SHANK2: variants seen among roughly 807,000 people sequenced by gnomAD.
SHANK2 encodes SH3 and multiple ankyrin repeat domains protein 2.
In SHANK2, 43 loss-of-function variants were observed where a neutral mutation model predicts 133.7. The observed-to-expected ratio is 0.32, with a 90% confidence interval of 0.25 to 0.41. The LOEUF (loss-of-function observed/expected upper bound fraction) is 0.41. Among genes scored for constraint, SHANK2 ranks in the 10% least tolerant of loss-of-function variants. The probability of loss-of-function intolerance (pLI) is 1.00; values close to 1 mark genes in which losing one functional copy is unlikely to be tolerated. For synonymous variants in SHANK2, 1,017 were observed against 952.8 expected, an observed-to-expected ratio of 1.07 and a Z score of -1.24; for missense variants, 1,994 against 2,235.8, an observed-to-expected ratio of 0.89 and a Z score of 2.18.
At chr11:70,892,020 A>C (rs782604164) in intron 11 of SHANK2, among the ~76,000 whole-genome samples, 9 of 152,178 alleles carry the variant, frequency 5.9e-5, no homozygotes, top group Non-Finnish European at 1.3e-4. Flanking sequence ...CTAAAACATG[A>C]TGTCTCTCGA....
chr11:71,200,454 T>C (rs782078656), intron 2 of SHANK2, among the ~76,000 whole-genome samples: 2 of 152,208 alleles, frequency 1.3e-5, no homozygotes, highest in Non-Finnish European at 2.9e-5. Flanking sequence ...GTACCTATGA[T>C]TCCATTTCTC....
At chr11:71,210,250 A>ATATATATATATT (rs1353494730) in intron 2 of SHANK2, among the ~76,000 whole-genome samples, 94 of 85,330 alleles carry the variant, frequency 1.1e-3, no homozygotes, top group African/African-American at 1.7e-3. Context: ...ATATATATAT[A>ATATATATATATT]TATTTATTTA....
chr11:70,922,189 A>C (rs578109145), intron 10 of SHANK2, among the ~76,000 whole-genome samples: 1 of 152,336 alleles, frequency 6.6e-6, no homozygotes, highest in African/African-American at 2.4e-5. Flanking sequence ...GGAGATGGAT[A>C]AGGAAATTGG....
intron 11 of SHANK2, among the ~76,000 whole-genome samples, chr11:70,839,686 G>A (rs554450148): frequency 1.3e-4 from 20 of 152,290 alleles, no homozygotes; most frequent in African/African-American, 4.8e-4. Flanking sequence ...TGGGTTGAAG[G>A]GGAGGTCCCT....
intron 17 of SHANK2, among the ~76,000 whole-genome samples, chr11:70,598,914 T>C (rs1329671565): frequency 9.3e-6 from 1 of 107,476 alleles, no homozygotes; most frequent in African/African-American, 3.9e-5. Context: ...TTTAACCTGA[T>C]AAGCTGCATG....
intron 14 of SHANK2, among the ~76,000 whole-genome samples, chr11:70,751,701 T>A (rs986995520): frequency 1.6e-4 from 24 of 152,232 alleles, no homozygotes; most frequent in Non-Finnish European, 3.1e-4. Context: ...ATATGTGGGT[T>A]TAATACACGT....
rs944117396 is a variant in SHANK2, at chr11:70,479,195, T to C, written c.4980-5756A>G. On this transcript the variant is annotated intron_variant, in intron 25 of 25. Transcript: ENST00000601538. The surrounding 1 kb of genome is among the most constrained non-coding windows in gnomAD (Gnocchi z 4.4). ...TCACATTCACTTTTCCATCAGGGCC[T>C]GGAAACCCTCAAACCACCTAGTGGT... 1.1e-4 allele frequency among the ~76,000 whole-genome samples: 16 copies of C among 152,226 alleles called. No homozygotes were observed. The highest frequency in any genetic ancestry group is 2.4e-4 in the Non-Finnish European group (16 of 68,040).
chr11:71,168,310 G>A (rs1426122062), intron 2 of SHANK2, among the ~76,000 whole-genome samples: 4 of 101,394 alleles, frequency 3.9e-5, no homozygotes, highest in Admixed American at 1.7e-4. Flanking sequence ...ATGGGATGGC[G>A]GCCGGGCAGA....
intron 17 of SHANK2, among the ~76,000 whole-genome samples, chr11:70,620,417 A>C (rs2060812784): frequency 2.0e-5 from 3 of 152,220 alleles, no homozygotes; most frequent in Non-Finnish European, 2.9e-5. Context: ...TACTTAATTA[A>C]GCAGAACAGG....
chr11:71,213,328 A>G (rs79685558), intron 2 of SHANK2, among the ~76,000 whole-genome samples: 4,160 of 152,206 alleles, frequency 0.027, 85 homozygotes, highest in African/African-American at 0.051. Flanking sequence ...CAAGATTACC[A>G]TACTCTTTCG....
chr11:71,201,212 C>T (rs140973854), intron 2 of SHANK2, among the ~76,000 whole-genome samples: 46 of 152,346 alleles, frequency 3.0e-4, no homozygotes, highest in Middle Eastern at 3.4e-3. Flanking sequence ...ACAGCAACCA[C>T]GTGCCCTCCC....
chr11:70,779,466 T>C (rs1555044668), intron 14 of SHANK2, among the ~76,000 whole-genome samples: 1 of 152,162 alleles, frequency 6.6e-6, no homozygotes, highest in Admixed American at 6.6e-5. Flanking sequence ...TATTTTTAAA[T>C]GCTCTAAAGA....
At chr11:70,530,576 ATAC>A (rs536230849) in intron 17 of SHANK2, among the ~76,000 whole-genome samples, 2 of 152,166 alleles carry the variant, frequency 1.3e-5, no homozygotes, top group South Asian at 4.1e-4. Context: ...GTGCTGACAC[ATAC>A]TACAACGTGG....
At chr11:71,232,537 CTTT>C (rs782549115) in intron 1 of SHANK2, among the ~76,000 whole-genome samples, 31 of 152,074 alleles carry the variant, frequency 2.0e-4, no homozygotes, top group Non-Finnish European at 3.4e-4. Context: ...TCCTCCTCCT[CTTT>C]CCCCCCTCCT....
At position 70,804,525 on chromosome 11, in the gene SHANK2, G is replaced by A. The variant is rs962978892; in HGVS notation, c.1663+2477C>T. ...CCCTGGGAGAAAGGCCCAGCTCCCC[G>A]CACGCCCCACGCTCCTGCGAGGGGC... On this transcript the variant is annotated intron_variant, in intron 13 of 25. Transcript: ENST00000601538. This position sits in a 1 kb window ranked among gnomAD's most constrained non-coding sequence, Gnocchi z 4.1. Among the ~76,000 whole-genome samples, 32 of 152,230 alleles carry A rather than the reference G, an allele frequency of 2.1e-4. No individual in the cohort carries two copies. Among genetic ancestry groups the A allele is most frequent in the African/African-American group, 7.7e-4 (32 of 41,570 alleles).
intron 11 of SHANK2, chr11:70,863,422 G>A (rs934627063): frequency 5.0e-5 from 23 of 457,782 alleles, no homozygotes; most frequent in African/African-American, 6.0e-5. Context: ...TCCTCTGCTC[G>A]GTGCCCTGGG....
At chr11:70,702,385 C>A (rs1228594552) in intron 14 of SHANK2, among the ~76,000 whole-genome samples, 1 of 151,042 alleles carries the variant, frequency 6.6e-6, no homozygotes, top group Admixed American at 6.6e-5. Flanking sequence ...AACACCACCA[C>A]CATCATCACC....
chr11:71,132,266 C>A (rs1952327099), intron 3 of SHANK2, among the ~76,000 whole-genome samples: 1 of 152,142 alleles, frequency 6.6e-6, no homozygotes, highest in Non-Finnish European at 1.5e-5. Context: ...TGGAAAAAAG[C>A]CTCACCCTTG....
At chr11:70,602,855 G>A (rs1231211007) in intron 17 of SHANK2, among the ~76,000 whole-genome samples, 1 of 152,112 alleles carries the variant, frequency 6.6e-6, no homozygotes, top group African/African-American at 2.4e-5. Context: ...TGAAATGCAC[G>A]TGGACCCACA....
Sources: gnomAD v4.1 joint callset for allele counts (sites outside exome capture counted in the v4.1 genomes callset) on GRCh38, gnomAD v4.1.1 for gene constraint, Gnocchi (gnomAD v3.1) non-coding constraint, MANE v1.5 for transcripts, NCBI Gene and HGNC (gene_info 2026-07-23, HGNC 2026-07-21) for gene names.